PPARG: variants seen among roughly 807,000 people sequenced by gnomAD.
PPARG encodes the protein peroxisome proliferator-activated receptor gamma.
In PPARG, 17 loss-of-function variants were observed where a neutral mutation model predicts 39.2. The observed-to-expected ratio is 0.43, with a 90% CI of 0.30 to 0.65. The LOEUF is 0.65. Ranked by LOEUF, PPARG falls within the 30% of genes least tolerant of loss-of-function variation. The pLI, the probability that PPARG is intolerant of heterozygous loss-of-function variation, is 0.13. For synonymous variants in PPARG, 223 were observed against 215.7 expected (o/e 1.03, Z -0.30); for missense variants, 406 against 585.9 (o/e 0.69, Z 3.17).
chr3:12,341,583 A>G (rs1191669878), intron 2 of PPARG, among the ~76,000 whole-genome samples: 1 of 152,192 alleles, frequency 6.6e-6, no homozygotes, highest in East Asian at 1.9e-4. Context: ...CAAGGTGGAC[A>G]GATCACTTGA....
At chr3:12,350,493 T>C (rs2048449680) in intron 2 of PPARG, among the ~76,000 whole-genome samples, 1 of 152,208 alleles carries the variant, frequency 6.6e-6, no homozygotes, top group African/African-American at 2.4e-5. Flanking sequence ...CCTTCTAATA[T>C]ACTGCCCTGT....
intron 2 of PPARG, among the ~76,000 whole-genome samples, chr3:12,360,046 G>C (rs918053853): frequency 2.6e-5 from 4 of 152,008 alleles, no homozygotes; most frequent in Non-Finnish European, 5.9e-5. Flanking sequence ...TGAAGTCCTT[G>C]GTTGAATATG....
chr3:12,317,434 T>TA (rs2047420006), intron 2 of PPARG, among the ~76,000 whole-genome samples: 1 of 152,226 alleles, frequency 6.6e-6, no homozygotes, highest in Non-Finnish European at 1.5e-5. Flanking sequence ...TACTGACAGT[T>TA]ACCGTATATA....
intron 6 of PPARG, among the ~76,000 whole-genome samples, chr3:12,416,054 A>G (rs1196177194): frequency 6.6e-6 from 1 of 152,260 alleles, no homozygotes; most frequent in Non-Finnish European, 1.5e-5. Context: ...ATTGAAAGCC[A>G]AGATAAACAG....
intron 1 of PPARG, among the ~76,000 whole-genome samples, chr3:12,303,301 A>G (rs1380606580): frequency 6.6e-6 from 1 of 151,844 alleles, no homozygotes; most frequent in East Asian, 1.9e-4. Context: ...GGTTCAAGCG[A>G]TTCTCCTGCC....
At chr3:12,424,473 C>T (rs895627995) in intron 7 of PPARG, among the ~76,000 whole-genome samples, 8 of 152,178 alleles carry the variant, frequency 5.3e-5, no homozygotes. Flanking sequence ...CTGGAAGAGG[C>T]TCAGTCGATC....
intron 2 of PPARG, among the ~76,000 whole-genome samples, chr3:12,317,120 C>T (rs556251948): frequency 4.6e-5 from 7 of 152,244 alleles, no homozygotes; most frequent in Admixed American, 2.0e-4. Flanking sequence ...AAGTTCAGTC[C>T]TGCCCTCTGT....
intron 2 of PPARG, among the ~76,000 whole-genome samples, chr3:12,366,254 A>G (rs1265666011): frequency 3.3e-5 from 5 of 151,986 alleles, no homozygotes; most frequent in East Asian, 1.9e-4. Flanking sequence ...TTGCTGGTAT[A>G]TAGGAAAGCA....
At chr3:12,365,276 AC>A (rs1170527234) in intron 2 of PPARG, among the ~76,000 whole-genome samples, 1 of 151,966 alleles carries the variant, frequency 6.6e-6, no homozygotes, top group Non-Finnish European at 1.5e-5. Flanking sequence ...GAGGTTGGGA[AC>A]CCCTGCTTTA....
chr3:12,377,306 T>G (rs1307344184), intron 2 of PPARG, among the ~76,000 whole-genome samples: 1 of 152,164 alleles, frequency 6.6e-6, no homozygotes. Flanking sequence ...TTTGTTTTGT[T>G]TTTGTTTTGG....
At chr3:12,296,145 G>A (rs897229237) in intron 1 of PPARG, among the ~76,000 whole-genome samples, 4 of 150,420 alleles carry the variant, frequency 2.7e-5, no homozygotes, top group Admixed American at 6.7e-5. Context: ...CCAGCTACTC[G>A]GGTGACTGAG....
At chr3:12,302,647 GT>G (rs1159739936) in intron 1 of PPARG, among the ~76,000 whole-genome samples, 6 of 152,198 alleles carry the variant, frequency 3.9e-5, no homozygotes, top group African/African-American at 1.4e-4. Context: ...AGATTAACCA[GT>G]TTGAAGTGGA....
intron 4 of PPARG, among the ~76,000 whole-genome samples, chr3:12,384,364 C>T (rs1043121118): frequency 8.6e-5 from 13 of 151,878 alleles, no homozygotes; most frequent in Non-Finnish European, 1.5e-4. Flanking sequence ...TTTTATTCGG[C>T]GTAAAGATAT....
chr3:12,301,253 A>G (rs997743989), intron 1 of PPARG, among the ~76,000 whole-genome samples: 1 of 152,222 alleles, frequency 6.6e-6, no homozygotes, highest in Non-Finnish European at 1.5e-5. Context: ...GGAGACTTTC[A>G]ATGGCAACTG....
At chr3:12,413,145 A>C (rs2125275160) in intron 6 of PPARG, among the ~76,000 whole-genome samples, 1 of 152,348 alleles carries the variant, frequency 6.6e-6, no homozygotes, top group Non-Finnish European at 1.5e-5. Flanking sequence ...GATTCAAGAT[A>C]AAATGCAGAC....
intron 5 of PPARG, among the ~76,000 whole-genome samples, chr3:12,404,700 A>G (rs2125249253): frequency 6.6e-6 from 1 of 152,328 alleles, no homozygotes; most frequent in Admixed American, 6.5e-5. Context: ...AGCTACTCAG[A>G]GGCTGAGGCA....
At chr3:12,303,666 T>G (rs1180386146) in intron 1 of PPARG, among the ~76,000 whole-genome samples, 1 of 152,202 alleles carries the variant, frequency 6.6e-6, no homozygotes, top group Non-Finnish European at 1.5e-5. Flanking sequence ...GGAGGTCTGG[T>G]TCAGCTCAGC....
At chr3:12,305,555 A>G (rs562189747) in intron 1 of PPARG, among the ~76,000 whole-genome samples, 8 of 152,308 alleles carry the variant, frequency 5.3e-5, no homozygotes, top group Non-Finnish European at 5.9e-5. Flanking sequence ...TGTCTTCAGC[A>G]TCTAATTTTT....
chr3:12,401,581 C>CT (rs1405248850), intron 5 of PPARG, among the ~76,000 whole-genome samples: 1 of 150,490 alleles, frequency 6.6e-6, no homozygotes, highest in Non-Finnish European at 1.5e-5. Context: ...TTTTTTCCCC[C>CT]TTAAAAAAGG....
Sources: allele counts gnomAD v4.1 joint callset (sites outside exome capture counted in the v4.1 genomes callset), GRCh38; gene constraint gnomAD v4.1.1; transcripts MANE v1.5; gene names NCBI Gene and HGNC (gene_info 2026-07-23, HGNC 2026-07-21).